The following AUTS2 variants were observed in gnomAD, a reference collection of about 807,000 sequenced individuals.
AUTS2 encodes the protein autism susceptibility gene 2 protein.
Under a neutral mutation model 112.4 loss-of-function variants are expected in AUTS2, and 17 were observed. The observed-to-expected ratio is 0.15, with a 90% CI of 0.10 to 0.23. The LOEUF (loss-of-function observed/expected upper bound fraction) is 0.23. Among genes scored for constraint, AUTS2 ranks in the 10% least tolerant of loss-of-function variants. The pLI, the probability that AUTS2 is intolerant of heterozygous loss-of-function variation, is 1.00. For synonymous variants in AUTS2, 751 were observed against 702.7 expected, an observed-to-expected ratio of 1.07 and a Z score of -1.09; for missense variants, 1,510 against 1,701.6, an observed-to-expected ratio of 0.89 and a Z score of 1.98.
At chr7:70,082,412 A>AG (rs1161318292) in intron 2 of AUTS2, among the ~76,000 whole-genome samples, 1 of 152,192 alleles carries the variant, frequency 6.6e-6, no homozygotes, top group Non-Finnish European at 1.5e-5. Context: ...TAGAGGAAAG[A>AG]GGGGAGGTTT....
intron 5 of AUTS2, among the ~76,000 whole-genome samples, chr7:70,611,439 A>AG (rs1208858955): frequency 6.6e-6 from 1 of 152,208 alleles, no homozygotes; most frequent in African/African-American, 2.4e-5. Flanking sequence ...ACATATCTAG[A>AG]GAAACCCTAT....
intron 2 of AUTS2, among the ~76,000 whole-genome samples, chr7:69,979,641 A>G (rs754186950): frequency 5.3e-5 from 8 of 152,200 alleles, no homozygotes; most frequent in Non-Finnish European, 4.4e-5. Flanking sequence ...GAGTATGAGG[A>G]AGACTACAGG....
chr7:70,653,661 A>T (rs1806624645), intron 5 of AUTS2, among the ~76,000 whole-genome samples: 1 of 152,222 alleles, frequency 6.6e-6, no homozygotes, highest in African/African-American at 2.4e-5. Flanking sequence ...ATCTTCAGTC[A>T]TCTTTGCACC....
chr7:70,234,475 A>T (rs1268915973), intron 4 of AUTS2, among the ~76,000 whole-genome samples: 2 of 152,154 alleles, frequency 1.3e-5, no homozygotes, highest in African/African-American at 4.8e-5. Flanking sequence ...TTGCATGTTT[A>T]TGTGTGTACC....
At chr7:69,876,442 A>C (rs1246593799) in intron 1 of AUTS2, among the ~76,000 whole-genome samples, 1 of 114,604 alleles carries the variant, frequency 8.7e-6, no homozygotes, top group Admixed American at 9.5e-5. Context: ...ATATTTTGAG[A>C]TATATATAAA....
At chr7:69,611,936 C>CGAAAAA (rs1793060123) in intron 1 of AUTS2, among the ~76,000 whole-genome samples, 1 of 85,756 alleles carries the variant, frequency 1.2e-5, no homozygotes, top group African/African-American at 4.9e-5. Flanking sequence ...GACTCCGTCT[C>CGAAAAA]AAAAAAAAAA....
chr7:70,649,644 T>C lies in AUTS2; in HGVS notation c.691-48925T>C, dbSNP rs140299069. ...CCTGGGTTCAAACGATTTTCTTGCCTCAGCCTCCCAAGCAGCCAGGATTAC... is the reference window on the plus strand; with the variant it reads ...CCTGGGTTCAAACGATTTTCTTGCCCCAGCCTCCCAAGCAGCCAGGATTAC... On this transcript the variant is annotated intron_variant, in intron 5 of 18. Transcript: ENST00000342771. Among the ~76,000 whole-genome samples, 129 of 152,216 alleles carry C rather than the reference T, an allele frequency of 8.5e-4. 1 individual carries two copies. The East Asian group carries it at 0.023, about 27-fold the overall frequency.
Position 69,735,895 on chromosome 7 carries a change from G to C in AUTS2, c.309+135933G>C, listed in dbSNP as rs138775513. Reference sequence around the variant, plus strand: ...GTATCTCACATTCAGTGCTGAATGAGATTTAAAAGTCCTTTCTAACATAAA... The same window carrying C: ...GTATCTCACATTCAGTGCTGAATGACATTTAAAAGTCCTTTCTAACATAAA... On this transcript the variant is annotated intron_variant, in intron 1 of 18. Coordinates refer to ENST00000342771, the MANE Select transcript of AUTS2 (RefSeq NM_015570.4). Among the ~76,000 whole-genome samples the C allele has an allele frequency of 2.1e-4, 32 of 152,318 alleles. No individual in the cohort carries two copies. The East Asian group carries it at 5.8e-3, about 28-fold the overall frequency.
intron 2 of AUTS2, 95 bp downstream of exon 2, chr7:69,899,593 A>G: frequency 8.4e-7 from 1 of 1,184,740 alleles, no homozygotes; most frequent in Non-Finnish European, 1.2e-6. Flanking sequence ...TGGAGAAGAT[A>G]TCCTTGGTGG....
intron 6 of AUTS2, among the ~76,000 whole-genome samples, chr7:70,740,264 C>T (rs1788026032): frequency 6.6e-6 from 1 of 152,232 alleles, no homozygotes; most frequent in African/African-American, 2.4e-5. Context: ...AGGCTTTTTA[C>T]AGTCCTTCAG....
intron 1 of AUTS2, among the ~76,000 whole-genome samples, chr7:69,739,112 A>G (rs567507493): frequency 6.4e-4 from 98 of 152,088 alleles, no homozygotes; most frequent in African/African-American, 2.4e-3. Context: ...TAGGATATAA[A>G]ACCAATCTTC....
intron 1 of AUTS2, among the ~76,000 whole-genome samples, chr7:69,618,017 C>T (rs973979026): frequency 1.3e-5 from 2 of 152,162 alleles, no homozygotes; most frequent in African/African-American, 4.8e-5. Context: ...ACACATCTAA[C>T]CCTCACAACA....
At chr7:70,735,546 C>T (rs555927655) in intron 6 of AUTS2, among the ~76,000 whole-genome samples, 4 of 152,180 alleles carry the variant, frequency 2.6e-5, no homozygotes, top group Non-Finnish European at 4.4e-5. Context: ...AGTTTTCTTC[C>T]GAATCAAGTG....
intron 5 of AUTS2, among the ~76,000 whole-genome samples, chr7:70,695,242 C>G (rs1031321914): frequency 1.3e-5 from 2 of 152,158 alleles, no homozygotes; most frequent in African/African-American, 4.8e-5. Context: ...GCGGCCCTGT[C>G]GCCCGCCTTT....
chr7:70,138,717 A>T (rs1006161588), intron 4 of AUTS2, among the ~76,000 whole-genome samples: 1 of 152,224 alleles, frequency 6.6e-6, no homozygotes, highest in Non-Finnish European at 1.5e-5. Flanking sequence ...CGCATTATAT[A>T]GTAAAGGGGA....
chr7:70,142,087 T>A lies in AUTS2; in HGVS notation c.660+7516T>A, dbSNP rs184518770. ...TCAACATTTAAATGAGGGAATAGGC[T>A]GGGTATTTTTAAACATTTGCTGTCT... is the stretch of plus-strand genomic sequence containing the variant. On this transcript the variant is annotated intron_variant, in intron 4 of 18. Transcript: ENST00000342771. Among the ~76,000 whole-genome samples the A allele has an allele frequency of 9.2e-5, 14 of 152,328 alleles. No individual in the cohort carries two copies. The East Asian group carries it at 2.7e-3, about 29-fold the overall frequency.
At chr7:70,118,335 C>T in intron 3 of AUTS2, 102 bp downstream of exon 3, 2 of 1,316,196 alleles carry the variant, frequency 1.5e-6, no homozygotes, top group Admixed American at 6.7e-5. Flanking sequence ...TTTCCCTCAT[C>T]TTTAGAACTT....
chr7:70,178,587 G>GAA (rs1809122820), intron 4 of AUTS2, among the ~76,000 whole-genome samples: 2 of 152,068 alleles, frequency 1.3e-5, no homozygotes, highest in South Asian at 4.1e-4. Context: ...ATCCCATGAG[G>GAA]TCAGGAGTTT....
intron 2 of AUTS2, among the ~76,000 whole-genome samples, chr7:69,945,070 A>G (rs540687040): frequency 3.6e-4 from 54 of 151,888 alleles, no homozygotes; most frequent in Non-Finnish European, 5.9e-4. Context: ...AAGTAAAGGT[A>G]ATGATACCTG....
Sources: allele counts gnomAD v4.1 joint callset (sites outside exome capture counted in the v4.1 genomes callset), GRCh38; gene constraint gnomAD v4.1.1; transcripts MANE v1.5; gene names NCBI Gene and HGNC (gene_info 2026-07-23, HGNC 2026-07-21).